OPCML: variants seen among roughly 807,000 people sequenced by gnomAD.
The protein encoded by OPCML is opioid-binding protein/cell adhesion molecule.
A neutral mutation model predicts 37.8 loss-of-function variants in OPCML; 13 were observed. The observed-to-expected ratio is 0.34, with a 90% confidence interval of 0.22 to 0.55. The LOEUF (loss-of-function observed/expected upper bound fraction) is 0.55, where lower values mean the gene tolerates loss of function less well. Among genes scored for constraint, OPCML ranks in the 20% least tolerant of loss-of-function variants. OPCML has a pLI of 0.91. For missense variants in OPCML, 341 were observed against 435.6 expected, an observed-to-expected ratio of 0.78 and a Z score of 1.93; for synonymous variants, 176 against 168.8, an observed-to-expected ratio of 1.04 and a Z score of -0.33.
chr11:133,369,162 A>G (rs1019184770), intron 1 of OPCML, among the ~76,000 whole-genome samples: 10 of 152,234 alleles, frequency 6.6e-5, no homozygotes, highest in African/African-American at 2.4e-4. Context: ...AAGAAAAGAG[A>G]AAAACATGGG....
intron 2 of OPCML, among the ~76,000 whole-genome samples, chr11:132,798,268 A>G (rs1350974840): frequency 6.6e-6 from 1 of 151,936 alleles, no homozygotes; most frequent in East Asian, 1.9e-4. Flanking sequence ...ATGGGGTTTT[A>G]CCATGTTGGC....
chr11:132,832,182 G>A (rs753315374), intron 2 of OPCML, among the ~76,000 whole-genome samples: 4 of 150,950 alleles, frequency 2.6e-5, no homozygotes, highest in Non-Finnish European at 5.9e-5. Context: ...ATCATCAAAA[G>A]GCAGTTAAGC....
In OPCML at chr11:132,987,093, G is replaced by A. The variant is rs74400177; in HGVS notation, c.62-44083C>T. Among the ~76,000 whole-genome samples the A allele has an allele frequency of 6.4e-4, 98 of 152,098 alleles. No individual in the cohort carries two copies. The East Asian group carries it at 0.018, about 28-fold the overall frequency. ...GCTCTCCCTCTTCACCTCTTCTTTC[G>A]ACAACACTTCCTGACAACTAATGTG... On this transcript the variant is annotated intron_variant, in intron 1 of 7. Transcript: ENST00000524381.
intron 1 of OPCML, among the ~76,000 whole-genome samples, chr11:133,288,374 G>A (rs1942363392): frequency 6.6e-6 from 1 of 152,174 alleles, no homozygotes; most frequent in Non-Finnish European, 1.5e-5. Context: ...GCCTACCTCA[G>A]CATCTAAGCA....
At chr11:133,515,369 T>C (rs1284345543) in intron 1 of OPCML, among the ~76,000 whole-genome samples, 1 of 152,226 alleles carries the variant, frequency 6.6e-6, no homozygotes, top group Non-Finnish European at 1.5e-5. Flanking sequence ...CATCTTGGGC[T>C]GTCACAGCTC....
At chr11:132,421,427 G>A (rs775300567) in intron 7 of OPCML, among the ~76,000 whole-genome samples, 1 of 152,160 alleles carries the variant, frequency 6.6e-6, no homozygotes, top group Non-Finnish European at 1.5e-5. Flanking sequence ...AAGCTGAGGT[G>A]CAGCAGAACC....
chr11:133,424,088 T>C (rs1945951493), intron 1 of OPCML, among the ~76,000 whole-genome samples: 1 of 152,188 alleles, frequency 6.6e-6, no homozygotes, highest in Admixed American at 6.5e-5. Context: ...AACACAGAGA[T>C]ATTCAGTTTT....
At chr11:133,238,978 C>T (rs1773466151) in intron 1 of OPCML, among the ~76,000 whole-genome samples, 1 of 152,174 alleles carries the variant, frequency 6.6e-6, no homozygotes, top group Non-Finnish European at 1.5e-5. Flanking sequence ...TTATCGTCCT[C>T]ACTCCCTGGC....
At chr11:132,649,279 T>C (rs1210339040) in intron 3 of OPCML, among the ~76,000 whole-genome samples, 1 of 152,092 alleles carries the variant, frequency 6.6e-6, no homozygotes. Context: ...TTTTTTTTTC[T>C]TTTTTTATAA....
At chr11:133,128,094 T>C (rs944280450) in intron 1 of OPCML, among the ~76,000 whole-genome samples, 3 of 152,044 alleles carry the variant, frequency 2.0e-5, no homozygotes, top group Non-Finnish European at 2.9e-5. Flanking sequence ...TTGCTGTCCT[T>C]AGTCCTGATA....
chr11:132,743,122 C>A (rs1011651139), intron 2 of OPCML, among the ~76,000 whole-genome samples: 1 of 152,144 alleles, frequency 6.6e-6, no homozygotes, highest in Admixed American at 6.5e-5. Flanking sequence ...ATGACAACGT[C>A]ATGCTCGTGA....
chr11:133,419,108 A>T (rs1008902624), intron 1 of OPCML: 20 of 380,948 alleles, frequency 5.3e-5, no homozygotes, highest in Admixed American at 1.3e-4. Context: ...GATTTGAGTA[A>T]TAACTCTACC....
intron 3 of OPCML, among the ~76,000 whole-genome samples, chr11:132,556,089 C>G (rs377420213): frequency 6.6e-6 from 1 of 151,796 alleles, no homozygotes; most frequent in African/African-American, 2.4e-5. Context: ...CAGGTGTGCA[C>G]GAACACACCC....
intron 4 of OPCML, among the ~76,000 whole-genome samples, chr11:132,478,167 T>G (rs979996416): frequency 6.6e-6 from 1 of 152,230 alleles, no homozygotes; most frequent in African/African-American, 2.4e-5. Flanking sequence ...ATAATAAATT[T>G]GGCTGTATTC....
At chr11:132,697,853 C>G (rs568451034) in intron 2 of OPCML, among the ~76,000 whole-genome samples, 1 of 152,106 alleles carries the variant, frequency 6.6e-6, no homozygotes, top group Non-Finnish European at 1.5e-5. Flanking sequence ...GCAGCCTTGT[C>G]CTCCGGGGCT....
intron 1 of OPCML, among the ~76,000 whole-genome samples, chr11:133,294,302 TG>T (rs942262147): frequency 4.6e-5 from 7 of 152,130 alleles, no homozygotes; most frequent in Admixed American, 2.6e-4. Flanking sequence ...TGGCCTCCCC[TG>T]GTGCTTGAGA....
intron 1 of OPCML, among the ~76,000 whole-genome samples, chr11:133,447,026 T>C (rs1056218421): frequency 1.3e-5 from 2 of 152,228 alleles, no homozygotes; most frequent in African/African-American, 4.8e-5. Flanking sequence ...ACATATCTTT[T>C]CATTTATCTT....
chr11:132,486,502 T>A (rs2096200296), intron 4 of OPCML, among the ~76,000 whole-genome samples: 1 of 152,100 alleles, frequency 6.6e-6, no homozygotes. Context: ...TCAAATAAGT[T>A]TGGAATATTT....
intron 2 of OPCML, among the ~76,000 whole-genome samples, chr11:132,673,938 T>C (rs181362396): frequency 1.4e-3 from 220 of 152,254 alleles, no homozygotes; most frequent in African/African-American, 4.8e-3. Flanking sequence ...TATTAGCAAT[T>C]TACCCTGAGG....
Sources: allele counts gnomAD v4.1 joint callset (sites outside exome capture counted in the v4.1 genomes callset), GRCh38; gene constraint gnomAD v4.1.1; transcripts MANE v1.5; gene names NCBI Gene and HGNC (gene_info 2026-07-23, HGNC 2026-07-21).